Variants in TCHH observed in about 807,000 individuals in gnomAD.
TCHH encodes the protein trichohyalin.
A neutral mutation model predicts 6.3 loss-of-function variants in TCHH; 6 were observed. That is an observed-to-expected ratio of 0.95 (90% CI 0.52 to 1.88). TCHH has a LOEUF of 1.88. Among genes scored for constraint, TCHH ranks in the 40% most tolerant of loss-of-function variants. The probability of loss-of-function intolerance (pLI) is 0.01; values close to 1 mark genes in which losing one functional copy is unlikely to be tolerated. For synonymous variants in TCHH, 1,087 were observed against 963.6 expected (o/e 1.13, Z -2.37); for missense variants, 2,920 against 2,449.1 (o/e 1.19, Z -4.06).
Position 152,109,005 on chromosome 1 carries a change from G to C in TCHH, c.4212C>G (p.Arg1404=), listed in dbSNP as rs375272944. The C allele has an allele frequency of 3.1e-6, 5 of 1,601,636 alleles. No homozygotes were observed. The highest frequency in any genetic ancestry group is 4.2e-6 in the Non-Finnish European group (5 of 1,177,240). Residue 1404 remains arginine, a synonymous_variant, in exon 3 of 3, where the codon CGC becomes CGG. Coordinates refer to ENST00000614923, the MANE Select transcript of TCHH (RefSeq NM_007113.4). The stretch of plus-strand genomic sequence containing the variant: ...CGCGGTCCTGACGCAGCTGTTGCTC[G>C]CGCTCCTGGCAGCGCAGCTGCTGTT... ...KEEQQLRCQE[R]EQQLRQDRDR...
At position 152,111,533 on chromosome 1, in the gene TCHH, T is replaced by A; in HGVS notation, c.1684A>T (p.Arg562Trp). 1 of 1,562,250 alleles carries A rather than the reference T, an allele frequency of 6.4e-7. No individual in the cohort carries two copies. Among genetic ancestry groups the A allele is most frequent in the Non-Finnish European group, 8.7e-7 (1 of 1,151,658 alleles). The change falls in exon 3 of 3, where the codon AGG becomes TGG. Residue 562 changes from arginine (R) to tryptophan (W), a missense_variant. Arg to Trp is a moderately radical substitution (Grantham distance 101, BLOSUM62 -3). Coordinates refer to ENST00000614923, the MANE Select transcript of TCHH (RefSeq NM_007113.4). ...REEEKRLEQE[R>W]REQRLKREQE... ...TCGCGCTTCAGCCGCTGCTCTCGCC[T>A]CTCCTGCTCGAGCCTCTTCTCCTCC... is the stretch of plus-strand genomic sequence containing the variant.
rs557491675 is a variant in TCHH at position 152,111,915 on chromosome 1, G to T, written c.1302C>A (p.His434Gln). 1 of 1,501,120 alleles carries T rather than the reference G, an allele frequency of 6.7e-7. No individual in the cohort carries two copies. Among genetic ancestry groups the T allele is most frequent in the Non-Finnish European group, 8.9e-7 (1 of 1,124,536 alleles). 93.0% of individuals were successfully genotyped at this position (1,501,120 alleles called of 1,614,324 possible). Residue 434 changes from histidine (H) to glutamine (Q), a missense_variant, in exon 3 of 3, where the codon CAC (histidine) becomes CAA (glutamine). Coordinates refer to ENST00000614923, the MANE Select transcript of TCHH (RefSeq NM_007113.4). The stretch of plus-strand genomic sequence containing the variant: ...GCCTCTCCTGCTCGTGCTTCTGCTC[G>T]TGCCTCTCCTCCTCCTGCTCGCGCC... ...QLRREQEEER[H>Q]EQKHEQERRE...
chr1:152,111,744 G>A lies in TCHH; in HGVS notation c.1473C>T (p.Leu491=), dbSNP rs747412691. 31 of 1,530,866 alleles carry A rather than the reference G, an allele frequency of 2.0e-5. No individual in the cohort carries two copies. The highest frequency in any genetic ancestry group is 2.5e-5 in the Non-Finnish European group (28 of 1,135,480). 94.8% of individuals were successfully genotyped at this position (1,530,866 alleles called of 1,614,324 possible). The change falls in exon 3 of 3, where the codon CTC becomes CTT. Residue 491 remains leucine, a synonymous_variant. Transcript: ENST00000614923. ...EEERRERWLK[L]EEEERREQQE... ...GCTGCTCGCGCCTCTCCTCCTCCTC[G>A]AGCTTCAGCCAACGTTCGCGCCTCT...
intron 1 of TCHH, 54 bp from the exon 2 acceptor site, chr1:152,114,165 G>A (rs1658456719): frequency 4.5e-6 from 6 of 1,333,292 alleles, no homozygotes; most frequent in Non-Finnish European, 6.0e-6. Flanking sequence ...CTTTTGGGAA[G>A]GCTTCATTCA....
Position 152,108,994 on chromosome 1 carries a change from A to AG in TCHH, c.4222dup (p.Leu1408ProfsTer22). ...GAATTTTCTGTCGCGGTCCTGACGC[A>AG]GCTGTTGCTCGCGCTCCTGGCAGCG... On this transcript the variant is annotated frameshift_variant, in exon 3 of 3. Coordinates refer to ENST00000614923, the MANE Select transcript of TCHH (RefSeq NM_007113.4). LOFTEE classifies it low-confidence loss of function (END_TRUNC). The AG allele has an allele frequency of 4.4e-6, 7 of 1,602,158 alleles. No individual in the cohort carries two copies. The highest frequency in any genetic ancestry group is 6.0e-6 in the Non-Finnish European group (7 of 1,176,212).
Position 152,110,885 on chromosome 1 carries a change from C to G in TCHH, c.2332G>C (p.Glu778Gln), listed in dbSNP as rs1310711569. 1 of 1,610,926 alleles carries G rather than the reference C, an allele frequency of 6.2e-7. No homozygotes were observed. Among genetic ancestry groups the G allele is most frequent in the Non-Finnish European group, 8.5e-7 (1 of 1,179,742 alleles). Reference protein sequence around the residue: ...TWQWQAEEKSERGRQRLSARP... With the variant: ...TWQWQAEEKSQRGRQRLSARP... Reference sequence around the variant, plus strand: ...GCCGACAGCCTCTGACGGCCCCTCTCGCTCTTTTCCTCCGCCTGCCACTGC... The same window carrying G: ...GCCGACAGCCTCTGACGGCCCCTCTGGCTCTTTTCCTCCGCCTGCCACTGC... Residue 778 changes from glutamate to glutamine, a missense_variant, in exon 3 of 3, where the codon GAG (glutamate) becomes CAG (glutamine). Transcript: ENST00000614923.
At chr1:152,113,251 T>G (rs967385541) in intron 2 of TCHH, among the ~76,000 whole-genome samples, 173 bp from the exon 3 acceptor site, 3 of 152,216 alleles carry the variant, frequency 2.0e-5, no homozygotes, top group African/African-American at 7.2e-5. Flanking sequence ...GAACCCTCAC[T>G]TTAAAGCATA....
Position 152,110,281 on chromosome 1 carries a change from T to G in TCHH, c.2936A>C (p.Glu979Ala). ...KEEQLLGEEP[E>A]KRRRQEREKK... ...CTCCCGCTCCTGGCGCCTTCTCTTC[T>G]CCGGTTCCTCTCCCAGCAGCTGCTC... Residue 979 changes from glutamate (E) to alanine (A), a missense_variant, in exon 3 of 3, where the codon GAG becomes GCG. Coordinates refer to ENST00000614923, the MANE Select transcript of TCHH (RefSeq NM_007113.4). The G allele has an allele frequency of 2.5e-6, 4 of 1,611,556 alleles. No homozygotes were observed. Among genetic ancestry groups the G allele is most frequent in the Non-Finnish European group, 3.4e-6 (4 of 1,178,908 alleles).
At position 152,111,371 on chromosome 1, in the gene TCHH, G is replaced by C; in HGVS notation, c.1846C>G (p.Arg616Gly). The change falls in exon 3 of 3, where the codon CGC becomes GGC. Residue 616 changes from arginine (R) to glycine (G), a missense_variant. Physicochemically the swap from Arg to Gly is moderately radical, Grantham distance 125. Transcript: ENST00000614923. ...TCCTCGCGCTTCAGCCGCTGCTCGCGCCTCTCCTCCTGCTCGAGTCTCTCC... is the reference window on the plus strand; with the variant it reads ...TCCTCGCGCTTCAGCCGCTGCTCGCCCCTCTCCTCCTGCTCGAGTCTCTCC... ...EVERLEQEERREQRLKREEPE... is the reference protein window; with the variant it reads ...EVERLEQEERGEQRLKREEPE... 1.9e-6 allele frequency: 3 copies of C among 1,607,704 alleles called. No homozygotes were observed. Among genetic ancestry groups the C allele is most frequent in the Non-Finnish European group, 2.5e-6 (3 of 1,178,834 alleles).
rs563703702 is a variant in TCHH, at chr1:152,108,548, A to C, written c.4669T>G (p.Phe1557Val). ...TGGCGCAGCTGTTCCTCCTCGCGGA[A>C]TTTTCTGTCACGGTCCTGACGCCGC... ...QQRRQDRDRK[F>V]REEEQLRQER... Residue 1557 changes from phenylalanine (F) to valine (V), a missense_variant, in exon 3 of 3, where the codon TTC becomes GTC. Phe to Val is a conservative substitution (Grantham distance 50, BLOSUM62 -1). Transcript: ENST00000614923. 45 of 1,589,704 alleles carry C rather than the reference A, an allele frequency of 2.8e-5. No individual in the cohort carries two copies. In the African/African-American group the frequency reaches 6.1e-4, roughly 21 times the overall value.
At position 152,112,378 on chromosome 1, in the gene TCHH, T is replaced by G. The variant is rs775784861; in HGVS notation, c.839A>C (p.Lys280Thr). ...CCTCCTCAGCTCTTGCCGCTCCAGC[T>G]TCCGTAGCTGCTCTTCTTCCTCCTG... The part of the protein sequence containing the change: ...ELQEEEEQLR[K>T]LERQELRRER... Residue 280 changes from lysine (K) to threonine (T), a missense_variant, in exon 3 of 3, where the codon AAG (lysine) becomes ACG (threonine). Coordinates refer to ENST00000614923, the MANE Select transcript of TCHH (RefSeq NM_007113.4). 1 of 1,613,682 alleles carries G rather than the reference T, an allele frequency of 6.2e-7. No individual in the cohort carries two copies. The highest frequency in any genetic ancestry group is 1.1e-5 in the South Asian group (1 of 91,060).
rs772730148 is a variant in TCHH at position 152,113,066 on chromosome 1, G to A, written c.151C>T (p.Pro51Ser). Residue 51 changes from proline to serine, a missense_variant, in exon 3 of 3, where the codon CCT becomes TCT. Pro to Ser is a moderately conservative substitution (Grantham distance 74). Coordinates refer to ENST00000614923, the MANE Select transcript of TCHH (RefSeq NM_007113.4). The stretch of plus-strand genomic sequence containing the variant: ...TCCAGGATCAGATCTACCGTCTTAG[G>A]GTCATGTGGTCTCTATAAAAATGGT... Reference protein sequence around the residue: ...FGAVLRRPHDPKTVDLILELL... With the variant: ...FGAVLRRPHDSKTVDLILELL... 3.1e-6 allele frequency: 5 copies of A among 1,595,048 alleles called. No homozygotes were observed. The highest frequency in any genetic ancestry group is 4.3e-6 in the Non-Finnish European group (5 of 1,172,268).
Position 152,107,817 on chromosome 1 carries a change from C to A in TCHH, c.5400G>T (p.Glu1800Asp), listed in dbSNP as rs954631895. 1 of 1,613,360 alleles carries A rather than the reference C, an allele frequency of 6.2e-7. No homozygotes were observed. Among genetic ancestry groups the A allele is most frequent in the African/African-American group, 1.3e-5 (1 of 74,750 alleles). ...CTTCCCTCTCCTGGCGTAGCTGTTC[C>A]TCCTCGCGGAATTTTCTGTCAGACT... Reference protein sequence around the residue: ...SQESDRKFREEEQLRQEREEQ... With the variant: ...SQESDRKFREDEQLRQEREEQ... The change falls in exon 3 of 3, where the codon GAG (glutamate) becomes GAT (aspartate). Residue 1800 changes from glutamate to aspartate, a missense_variant. Coordinates refer to ENST00000614923, the MANE Select transcript of TCHH (RefSeq NM_007113.4).
At chr1:152,114,315 T>G (rs1016042372) in intron 1 of TCHH, among the ~76,000 whole-genome samples, 1 of 152,216 alleles carries the variant, frequency 6.6e-6, no homozygotes, top group Non-Finnish European at 1.5e-5. Flanking sequence ...GGGAATCATC[T>G]TCAGACTATC....
chr1:152,113,824 A>G, intron 2 of TCHH, 119 bp downstream of exon 2: 1 of 1,138,934 alleles, frequency 8.8e-7, no homozygotes, highest in East Asian at 2.4e-5. Context: ...TGGGGGATGT[A>G]GTGTAGACCT....
Position 152,109,248 on chromosome 1 carries a change from C to G in TCHH, c.3969G>C (p.Glu1323Asp), listed in dbSNP as rs760610905. The change falls in exon 3 of 3, where the codon GAG becomes GAC. Residue 1323 changes from glutamate (E) to aspartate (D), a missense_variant. Coordinates refer to ENST00000614923, the MANE Select transcript of TCHH (RefSeq NM_007113.4). ...GACGGCGTCTCTTCTCTTCTCTTTC[C>G]TCTCTCAGCAACTGCTTTTCCTCTT... is the stretch of plus-strand genomic sequence containing the variant. Reference protein sequence around the residue: ...KSQEEKQLLREEREEKRRRQE... With the variant: ...KSQEEKQLLRDEREEKRRRQE... 1.2e-6 allele frequency: 2 copies of G among 1,614,094 alleles called. No homozygotes were observed. The highest frequency in any genetic ancestry group is 1.7e-5 in the Admixed American group (1 of 60,010).
chr1:152,110,609 G>A lies in TCHH; in HGVS notation c.2608C>T (p.Arg870Cys), dbSNP rs765888230. 85 of 1,613,966 alleles carry A rather than the reference G, an allele frequency of 5.3e-5. No homozygotes were observed. The highest frequency in any genetic ancestry group is 7.2e-5 in the Non-Finnish European group (85 of 1,180,002). The stretch of plus-strand genomic sequence containing the variant: ...AGTTGCCACCTCCATTTTTGGTCGC[G>A]GCGCTGCTCCTGGCTTCGCCTCCTC... Reference protein sequence around the residue: ...QERRRSQEQRRDQKWRWQLEE... With the variant: ...QERRRSQEQRCDQKWRWQLEE... The change falls in exon 3 of 3, where the codon CGC (arginine) becomes TGC (cysteine). Residue 870 changes from arginine to cysteine, a missense_variant. By Grantham distance (180) the Arg-to-Cys change is radical. Coordinates refer to ENST00000614923, the MANE Select transcript of TCHH (RefSeq NM_007113.4).
Position 152,110,604 on chromosome 1 carries a change from G to C in TCHH, c.2613C>G (p.Asp871Glu), listed in dbSNP as rs1658304610. 2 of 1,614,066 alleles carry C rather than the reference G, an allele frequency of 1.2e-6. No homozygotes were observed. The highest frequency in any genetic ancestry group is 1.7e-6 in the Non-Finnish European group (2 of 1,180,018). Residue 871 changes from aspartate (D) to glutamate (E), a missense_variant, in exon 3 of 3, where the codon GAC becomes GAG. Physicochemically the swap from Asp to Glu is conservative, Grantham distance 45 (BLOSUM62 2). Transcript: ENST00000614923. ...CTTCTAGTTGCCACCTCCATTTTTG[G>C]TCGCGGCGCTGCTCCTGGCTTCGCC... is the stretch of plus-strand genomic sequence containing the variant. ...ERRRSQEQRR[D>E]QKWRWQLEEE...
Position 152,108,914 on chromosome 1 carries a change from C to G in TCHH, c.4303G>C (p.Glu1435Gln), listed in dbSNP as rs746566502. 2.5e-6 allele frequency: 4 copies of G among 1,612,514 alleles called. No homozygotes were observed. The African/African-American group carries it at 4.0e-5, about 16-fold the overall frequency. ...TCCTGGCGGCGCACCTGCTGTTCCT[C>G]TTCACGGAATTTTCTGTCACGCTCT... is the stretch of plus-strand genomic sequence containing the variant. ...RQERDRKFRE[E>Q]EQQVRRQERE... The change falls in exon 3 of 3, where the codon GAG (glutamate) becomes CAG (glutamine). Residue 1435 changes from glutamate to glutamine, a missense_variant. Coordinates refer to ENST00000614923, the MANE Select transcript of TCHH (RefSeq NM_007113.4).
Sources: allele counts gnomAD v4.1 joint callset (sites outside exome capture counted in the v4.1 genomes callset), GRCh38; gene constraint gnomAD v4.1.1; transcripts MANE v1.5; gene names NCBI Gene and HGNC (gene_info 2026-07-23, HGNC 2026-07-21).